RIC8B: variants seen among roughly 807,000 people sequenced by gnomAD.
RIC8B encodes chaperone Ric-8B.
A neutral mutation model predicts 57.5 loss-of-function variants in RIC8B; 16 were observed. That is an observed-to-expected ratio of 0.28 (90% CI 0.19 to 0.42). The LOEUF is 0.42. Among genes scored for constraint, RIC8B ranks in the 10% least tolerant of loss-of-function variants. RIC8B has a pLI of 1.00. For synonymous variants in RIC8B, 216 were observed against 250.8 expected (o/e 0.86, Z 1.31); for missense variants, 481 against 677.0 (o/e 0.71, Z 3.21).
At chr12:106,812,894 A>C (rs1162713668) in intron 2 of RIC8B, among the ~76,000 whole-genome samples, 1 of 151,680 alleles carries the variant, frequency 6.6e-6, no homozygotes, top group Non-Finnish European at 1.5e-5. Flanking sequence ...ATGTTATGAA[A>C]TTTTTTTTTG....
At chr12:106,804,891 C>T (rs1017940413) in intron 2 of RIC8B, among the ~76,000 whole-genome samples, 4 of 151,964 alleles carry the variant, frequency 2.6e-5, no homozygotes, top group African/African-American at 9.7e-5. Flanking sequence ...AAAAAGATAG[C>T]GTTTGATTTG....
chr12:106,880,948 CT>C (rs1950897155), intron 9 of RIC8B, among the ~76,000 whole-genome samples: 1 of 152,170 alleles, frequency 6.6e-6, no homozygotes, highest in Admixed American at 6.5e-5. Context: ...AGAGATTTAG[CT>C]TTTCTCTTCA....
intron 3 of RIC8B, among the ~76,000 whole-genome samples, chr12:106,815,691 TA>T (rs2045544778): frequency 6.6e-6 from 1 of 152,188 alleles, no homozygotes; most frequent in Admixed American, 6.6e-5. Flanking sequence ...AAAGAAAAGT[TA>T]AGACAGATCA....
intron 2 of RIC8B, among the ~76,000 whole-genome samples, chr12:106,812,654 C>G (rs538835286): frequency 4.6e-5 from 7 of 151,390 alleles, no homozygotes; most frequent in Non-Finnish European, 1.0e-4. Context: ...ACTCCACCCC[C>G]AGGAATATAC....
chr12:106,845,510 A>G lies in RIC8B; in HGVS notation c.1161+1563A>G, dbSNP rs1051408246. Among the ~76,000 whole-genome samples the G allele has an allele frequency of 1.2e-4, 19 of 152,112 alleles. 1 individual carries two copies. Among genetic ancestry groups the G allele is most frequent in the Admixed American group, 7.2e-4 (11 of 15,274 alleles). On this transcript the variant is annotated intron_variant, in intron 6 of 9. Transcript: ENST00000392837. ...CTGTCACAATGGATGAATCATTGCTACTTCTGTGGCCAGCATTTGTCCTGG... is the reference window on the plus strand; with the variant it reads ...CTGTCACAATGGATGAATCATTGCTGCTTCTGTGGCCAGCATTTGTCCTGG...
At position 106,829,630 on chromosome 12, in the gene RIC8B, T is replaced by A. The variant is rs923651184; in HGVS notation, c.836+3810T>A. Reference sequence around the variant, plus strand: ...AGTCTTTTTTTCTTTCAGTTTTTTTTATAGTGGTAAAATACAGTTATAAAA... The same window carrying A: ...AGTCTTTTTTTCTTTCAGTTTTTTTAATAGTGGTAAAATACAGTTATAAAA... On this transcript the variant is annotated intron_variant, in intron 4 of 9. Transcript: ENST00000392837. Among the ~76,000 whole-genome samples, 9 of 152,214 alleles carry A rather than the reference T, an allele frequency of 5.9e-5. 1 individual carries two copies. Among genetic ancestry groups the A allele is most frequent in the Admixed American group, 5.9e-4 (9 of 15,272 alleles).
intron 4 of RIC8B, among the ~76,000 whole-genome samples, chr12:106,831,991 C>T (rs2046371418): frequency 6.6e-6 from 1 of 152,174 alleles, no homozygotes; most frequent in Non-Finnish European, 1.5e-5. Flanking sequence ...CTTTCTCTTC[C>T]TTAGACATAG....
At chr12:106,854,655 G>C (rs1376110729) in intron 7 of RIC8B, among the ~76,000 whole-genome samples, 1 of 152,144 alleles carries the variant, frequency 6.6e-6, no homozygotes. Flanking sequence ...GCTGGACGTG[G>C]TGGTGCATGC....
At chr12:106,860,725 A>G (rs1230949868) in intron 8 of RIC8B, among the ~76,000 whole-genome samples, 2 of 152,166 alleles carry the variant, frequency 1.3e-5, no homozygotes, top group African/African-American at 4.8e-5. Context: ...CCATAGGTTA[A>G]GATTTTATAA....
At chr12:106,830,489 C>T (rs149125125) in intron 4 of RIC8B, among the ~76,000 whole-genome samples, 2,347 of 152,082 alleles carry the variant, frequency 0.015, 31 homozygotes, top group Non-Finnish European at 0.024. Context: ...TTGATGAGTG[C>T]GGTATTAGAC....
chr12:106,814,677 A>G lies in RIC8B; in HGVS notation c.133-19A>G. The stretch of plus-strand genomic sequence containing the variant: ...TTGAGCCAAATAATGATTTTTGCAT[A>G]CTCGTTCTTGTTTTTCAGAAACTCT... On this transcript the variant is annotated intron_variant, in intron 2 of 9. Transcript: ENST00000392837. 2 of 1,561,018 alleles carry G rather than the reference A, an allele frequency of 1.3e-6. No individual in the cohort carries two copies. Among genetic ancestry groups the G allele is most frequent in the Non-Finnish European group, 1.7e-6 (2 of 1,156,348 alleles).
chr12:106,844,846 A>C (rs1243300118), intron 6 of RIC8B, among the ~76,000 whole-genome samples: 6 of 152,344 alleles, frequency 3.9e-5, no homozygotes, highest in Middle Eastern at 3.4e-3. Flanking sequence ...AAAAGAAAAA[A>C]TAAGGGTGAT....
At chr12:106,802,241 A>G (rs112604876) in intron 2 of RIC8B, among the ~76,000 whole-genome samples, 1 of 152,336 alleles carries the variant, frequency 6.6e-6, no homozygotes, top group African/African-American at 2.4e-5. Flanking sequence ...TTAGTAAAAT[A>G]GTGGTTAAAG....
intron 9 of RIC8B, among the ~76,000 whole-genome samples, 170 bp from the exon 10 acceptor site, chr12:106,885,734 T>C (rs1218188630): frequency 1.3e-5 from 2 of 149,370 alleles, no homozygotes; most frequent in African/African-American, 4.9e-5. Context: ...TTTCTTTCCA[T>C]GCCCCTTTCA....
chr12:106,818,686 C>T (rs1012855943), intron 3 of RIC8B, among the ~76,000 whole-genome samples: 22 of 152,108 alleles, frequency 1.4e-4, no homozygotes, highest in African/African-American at 5.3e-4. Context: ...TAGCCTCAAG[C>T]AGTCTTCCTA....
chr12:106,822,167 A>G (rs567285280), intron 3 of RIC8B: 1 of 152,198 alleles, frequency 6.6e-6, no homozygotes, highest in African/African-American at 2.4e-5. Flanking sequence ...CCAAATGAGT[A>G]ATAAACATAT....
intron 3 of RIC8B, chr12:106,822,232 A>G (rs1593207894): frequency 6.6e-6 from 1 of 152,292 alleles, no homozygotes; most frequent in African/African-American, 2.4e-5. Context: ...CAACCAAGAA[A>G]TCACTACACA....
chr12:106,793,788 CAGAGAGAGAAT>C (rs1022215170), intron 2 of RIC8B, among the ~76,000 whole-genome samples: 1 of 152,086 alleles, frequency 6.6e-6, no homozygotes, highest in African/African-American at 2.4e-5. Flanking sequence ...TTTGAGGAAG[CAGAGAGAGAAT>C]AGACTGCTAA....
intron 2 of RIC8B, 21 bp from the exon 3 acceptor site, chr12:106,814,675 A>T (rs760205486): frequency 2.6e-6 from 4 of 1,557,752 alleles, no homozygotes; most frequent in East Asian, 4.5e-5. Flanking sequence ...TGATTTTTGC[A>T]TACTCGTTCT....
Sources: allele counts gnomAD v4.1 joint callset (sites outside exome capture counted in the v4.1 genomes callset), GRCh38; gene constraint gnomAD v4.1.1; transcripts MANE v1.5; gene names NCBI Gene and HGNC (gene_info 2026-07-23, HGNC 2026-07-21).